Variants in ATP2B2 observed in about 807,000 individuals in gnomAD.
ATP2B2 encodes the protein plasma membrane calcium-transporting ATPase 2.
A neutral mutation model predicts 120.0 loss-of-function variants in ATP2B2; 15 were observed. The observed-to-expected ratio is 0.12, with a 90% confidence interval of 0.08 to 0.19. The LOEUF (loss-of-function observed/expected upper bound fraction) is 0.19. ATP2B2 is among the 10% of genes least tolerant of loss of function. ATP2B2 has a pLI of 1.00. For synonymous variants in ATP2B2, 694 were observed against 700.3 expected (o/e 0.99, Z 0.14); for missense variants, 1,045 against 1,719.8 (o/e 0.61, Z 6.94).
At chr3:10,466,160 T>A (rs2064731633) in intron 1 of ATP2B2, among the ~76,000 whole-genome samples, 1 of 152,248 alleles carries the variant, frequency 6.6e-6, no homozygotes, top group Admixed American at 6.5e-5. Flanking sequence ...TCTGTGTCAA[T>A]GCTGGTGGTC....
rs929822553 is a variant in ATP2B2 at position 10,411,048 on chromosome 3, G to A, written c.200-233C>T. Among the ~76,000 whole-genome samples, 5 of 152,150 alleles carry A rather than the reference G, an allele frequency of 3.3e-5. No individual in the cohort carries two copies. In the South Asian group the frequency reaches 6.2e-4, roughly 19 times the overall value. On this transcript the variant is annotated intron_variant, in intron 2 of 22. Transcript: ENST00000360273. Reference sequence around the variant, plus strand: ...AATATATATCCACATCATGATCCCCGGAACCTGTGAATGTGACCTCATTTG... The same window carrying A: ...AATATATATCCACATCATGATCCCCAGAACCTGTGAATGTGACCTCATTTG...
At chr3:10,438,285 A>G (rs1254843779) in intron 2 of ATP2B2, among the ~76,000 whole-genome samples, 1 of 152,162 alleles carries the variant, frequency 6.6e-6, no homozygotes, top group Non-Finnish European at 1.5e-5. Flanking sequence ...GGTGTGCTGA[A>G]GGGGGAGGCC....
intron 2 of ATP2B2, among the ~76,000 whole-genome samples, chr3:10,429,451 A>AAAT (rs576742723): frequency 5.9e-5 from 9 of 152,360 alleles, no homozygotes; most frequent in Middle Eastern, 3.4e-3. Context: ...CATGATGATT[A>AAAT]AATCTGTTGT....
chr3:10,549,423 G>A (rs2067620022), intron 2 of ATP2B2, among the ~76,000 whole-genome samples: 1 of 151,638 alleles, frequency 6.6e-6, no homozygotes, highest in Non-Finnish European at 1.5e-5. Context: ...GAAAGAAAAT[G>A]TGCCTACCAC....
intron 1 of ATP2B2, among the ~76,000 whole-genome samples, chr3:10,469,323 T>G (rs2064885665): frequency 6.6e-6 from 1 of 152,250 alleles, no homozygotes; most frequent in South Asian, 2.1e-4. Context: ...TCTTATTATC[T>G]CTATTTTATA....
In ATP2B2 at chr3:10,585,472, C is replaced by T. The variant is rs138311275; in HGVS notation, c.-415+34445G>A. On this transcript the variant is annotated intron_variant, in intron 2 of 21. Transcript: ENST00000646379. Reference sequence around the variant, plus strand: ...TCATGCCACTGCACTCCAGCCTGGGCGACAGAGCGAGACTCCGTCTGAAAA... The same window carrying T: ...TCATGCCACTGCACTCCAGCCTGGGTGACAGAGCGAGACTCCGTCTGAAAA... 8.8e-4 allele frequency among the ~76,000 whole-genome samples: 103 copies of T among 117,630 alleles called. 1 individual carries two copies. The highest frequency in any genetic ancestry group is 3.4e-3 in the African/African-American group (100 of 29,372). The allele number at this position is 117,630 out of a possible 152,430, so 77.2% of individuals were successfully genotyped here.
chr3:10,620,318 C>T (rs13100251), intron 1 of ATP2B2, among the ~76,000 whole-genome samples: 60,258 of 152,036 alleles, frequency 0.4, 15,425 homozygotes, highest in Non-Finnish European at 0.56. Flanking sequence ...TGGAGGAAGA[C>T]GGCTGGGCTT....
At chr3:10,491,042 C>T (rs2065913219) in intron 1 of ATP2B2, among the ~76,000 whole-genome samples, 1 of 152,090 alleles carries the variant, frequency 6.6e-6, no homozygotes, top group South Asian at 2.1e-4. Context: ...CCTTTTGCAT[C>T]TGACCTTTTA....
chr3:10,669,647 C>T (rs891260970), intron 1 of ATP2B2, among the ~76,000 whole-genome samples: 3 of 152,224 alleles, frequency 2.0e-5, no homozygotes, highest in Non-Finnish European at 2.9e-5. Context: ...TCAATGCGGG[C>T]TATCCACAGC....
intron 5 of ATP2B2, among the ~76,000 whole-genome samples, chr3:10,399,875 C>T (rs2062161137): frequency 6.6e-6 from 1 of 152,246 alleles, no homozygotes; most frequent in Non-Finnish European, 1.5e-5. Context: ...CTGCTCCTTC[C>T]TTGGCTTTCT....
chr3:10,619,014 G>C (rs1451690117), intron 2 of ATP2B2, among the ~76,000 whole-genome samples: 1 of 152,174 alleles, frequency 6.6e-6, no homozygotes, highest in Non-Finnish European at 1.5e-5. Context: ...CCTTGGAGCA[G>C]TGGCTAATTC....
chr3:10,644,787 T>C (rs972431868), intron 1 of ATP2B2, among the ~76,000 whole-genome samples: 2 of 152,178 alleles, frequency 1.3e-5, no homozygotes, highest in African/African-American at 4.8e-5. Context: ...GGTTTTCTTT[T>C]GGGGTGATGG....
intron 2 of ATP2B2, among the ~76,000 whole-genome samples, chr3:10,550,796 T>A (rs900076075): frequency 1.3e-5 from 2 of 152,196 alleles, no homozygotes; most frequent in Admixed American, 1.3e-4. Context: ...AGGAAATCCA[T>A]GCCGGGTGAG....
At chr3:10,410,436 C>T (rs773172751) in intron 3 of ATP2B2, among the ~76,000 whole-genome samples, 182 bp downstream of exon 3, 4 of 152,228 alleles carry the variant, frequency 2.6e-5, no homozygotes, top group Admixed American at 2.0e-4. Context: ...ACAGGGAAAA[C>T]GGGGCTGAGG....
chr3:10,613,471 G>C (rs1288662743), intron 2 of ATP2B2, among the ~76,000 whole-genome samples: 6 of 152,056 alleles, frequency 3.9e-5, no homozygotes, highest in Non-Finnish European at 5.9e-5. Context: ...ATTGCAGACT[G>C]TGCCCTTTAA....
At chr3:10,371,013 A>G (rs2061225344) in intron 12 of ATP2B2, among the ~76,000 whole-genome samples, 2 of 152,226 alleles carry the variant, frequency 1.3e-5, no homozygotes, top group Non-Finnish European at 2.9e-5. Context: ...ACTATTAGCA[A>G]CAACAACATC....
intron 2 of ATP2B2, among the ~76,000 whole-genome samples, chr3:10,581,200 T>C (rs1005521064): frequency 3.9e-5 from 6 of 152,158 alleles, no homozygotes; most frequent in Non-Finnish European, 7.3e-5. Context: ...TGCAACAGAT[T>C]CTATTGCAAA....
At chr3:10,486,726 G>GTGA (rs557974361) in intron 1 of ATP2B2, among the ~76,000 whole-genome samples, 293 of 152,066 alleles carry the variant, frequency 1.9e-3, no homozygotes, top group Non-Finnish European at 3.0e-3. Context: ...GATGATGATG[G>GTGA]TGATGATGAT....
rs1451921449 is a variant in ATP2B2 at position 10,695,249 on chromosome 3, A to AGGGAGG, written c.-460+12665_-460+12666insCCTCCC. Among the ~76,000 whole-genome samples, 860 of 137,066 alleles carry AGGGAGG rather than the reference A, an allele frequency of 6.3e-3. 15 individuals carry two copies. The highest frequency in any genetic ancestry group is 0.012 in the South Asian group (49 of 3,946). 89.9% of individuals were successfully genotyped at this position (137,066 alleles called of 152,430 possible). ...ATGGTAGCAGGCAAAGGAGGGAGGG[A>AGGGAGG]GGGAGAGAGAGAGAGAGAGAGAGAG... On this transcript the variant is annotated intron_variant, in intron 1 of 21. Transcript: ENST00000646379.
Sources: allele counts gnomAD v4.1 joint callset (sites outside exome capture counted in the v4.1 genomes callset), GRCh38; gene constraint gnomAD v4.1.1; transcripts MANE v1.5; gene names NCBI Gene and HGNC (gene_info 2026-07-23, HGNC 2026-07-21).